Variants in TNFRSF10B observed in about 807,000 individuals in gnomAD.
The protein encoded by TNFRSF10B is TNF receptor superfamily member 10b.
A neutral mutation model predicts 41.4 loss-of-function variants in TNFRSF10B; 35 were observed. That is an observed-to-expected ratio of 0.85 (90% CI 0.65 to 1.12). TNFRSF10B has a LOEUF of 1.12. Ranked by LOEUF, TNFRSF10B falls within the 50% of genes most tolerant of loss-of-function variation. The pLI, the probability that TNFRSF10B is intolerant of heterozygous loss-of-function variation, is 0.00. For missense variants in TNFRSF10B, 584 were observed against 552.7 expected (o/e 1.06, Z -0.57); for synonymous variants, 230 against 215.5 (o/e 1.07, Z -0.59).
Position 23,028,329 on chromosome 8 carries a change from A to G in TNFRSF10B, c.748+2T>C. On this transcript the variant is annotated splice_donor_variant, in intron 5 of 8. Coordinates refer to ENST00000276431, the MANE Select transcript of TNFRSF10B (RefSeq NM_003842.5). LOFTEE classifies it high-confidence loss of function. The stretch of plus-strand genomic sequence containing the variant: ...GTGCCCCCGCCCTCAGCCAGCACCT[A>G]CCTGAGCAGATGCCTTTCAGGTAAG... The G allele has an allele frequency of 6.2e-7, 1 of 1,614,038 alleles. No individual in the cohort carries two copies. Among genetic ancestry groups the G allele is most frequent in the Non-Finnish European group, 8.5e-7 (1 of 1,179,982 alleles).
intron 1 of TNFRSF10B, among the ~76,000 whole-genome samples, chr8:23,060,159 T>A (rs1812791383): frequency 1.3e-5 from 2 of 148,968 alleles, no homozygotes; most frequent in Non-Finnish European, 2.9e-5. Flanking sequence ...TCCAAAATGT[T>A]TATTTTTTCT....
intron 5 of TNFRSF10B, 47 bp downstream of exon 5, chr8:23,028,284 G>T: frequency 6.2e-7 from 1 of 1,611,520 alleles, no homozygotes; most frequent in Non-Finnish European, 8.5e-7. Context: ...GGTGGGAGGG[G>T]GCAGGGCAGA....
rs1304820065 is a variant in TNFRSF10B at position 23,020,358 on chromosome 8, C to G, written c.*2313G>C. 2.2e-6 allele frequency: 1 copy of G among 453,938 alleles called. No homozygotes were observed. The highest frequency in any genetic ancestry group is 4.4e-6 in the Non-Finnish European group (1 of 226,782). 28.1% of individuals were successfully genotyped at this position (453,938 alleles called of 1,614,324 possible). ...TATAGCAAAGCCTAATGTAACTAAA[C>G]AACAAAACCCCCAATTATTTCATGT... On this transcript the variant is annotated 3_prime_UTR_variant, in exon 9 of 9. Coordinates refer to ENST00000276431, the MANE Select transcript of TNFRSF10B (RefSeq NM_003842.5).
intron 2 of TNFRSF10B, among the ~76,000 whole-genome samples, chr8:23,040,258 A>G (rs934984272): frequency 4.3e-5 from 6 of 139,542 alleles, no homozygotes; most frequent in East Asian, 2.0e-4. Flanking sequence ...TTAAATATAT[A>G]TTTATTAAAT....
In TNFRSF10B at chr8:23,030,882, G is replaced by A. The variant is rs375730504; in HGVS notation, c.251-10C>T. 123 of 1,595,064 alleles carry A rather than the reference G, an allele frequency of 7.7e-5. No individual in the cohort carries two copies. In the African/African-American group the frequency reaches 1.5e-3, roughly 19 times the overall value. Reference sequence around the variant, plus strand: ...TCTGAGATATGGTGTCCTGGGAGGGGAGAGAAAAGCCGGTGAATGAAATGC... The same window carrying A: ...TCTGAGATATGGTGTCCTGGGAGGGAAGAGAAAAGCCGGTGAATGAAATGC... On this transcript the variant is annotated splice_polypyrimidine_tract_variant and intron_variant, in intron 2 of 8. Coordinates refer to ENST00000276431, the MANE Select transcript of TNFRSF10B (RefSeq NM_003842.5).
intron 2 of TNFRSF10B, among the ~76,000 whole-genome samples, chr8:23,037,751 G>A (rs1812065279): frequency 6.6e-6 from 1 of 152,158 alleles, no homozygotes; most frequent in Admixed American, 6.5e-5. Context: ...GCAGTACCTT[G>A]AAGGGCTGCA....
rs776490819 is a variant in TNFRSF10B at position 23,024,224 on chromosome 8, GCCT to G, written c.970_972del (p.Arg324del). 2.0e-4 allele frequency: 321 copies of G among 1,613,992 alleles called. 1 individual carries two copies. The highest frequency in any genetic ancestry group is 2.5e-4 in the Non-Finnish European group (299 of 1,180,016). On this transcript the variant is annotated inframe_deletion, in exon 8 of 9. Coordinates refer to ENST00000276431, the MANE Select transcript of TNFRSF10B (RefSeq NM_003842.5). ...TCACCTTCATTTGCTGGAACCAGCA[GCCT>G]CCTCCTCTGAGACCTTTCAGCTTCT...
At chr8:23,023,906 CAGGGGCAGGCGG>C (rs1248223806) in intron 8 of TNFRSF10B, among the ~76,000 whole-genome samples, 1 of 151,974 alleles carries the variant, frequency 6.6e-6, no homozygotes, top group Non-Finnish European at 1.5e-5. Context: ...AGGAGGTCCT[CAGGGGCAGGCGG>C]GGGCTACATC....
intron 2 of TNFRSF10B, among the ~76,000 whole-genome samples, chr8:23,039,862 T>C (rs1313784930): frequency 6.6e-6 from 1 of 152,130 alleles, no homozygotes; most frequent in African/African-American, 2.4e-5. Context: ...TTTAGATACT[T>C]AAGAAGGTAA....
chr8:23,041,249 G>T (rs1030838824), intron 2 of TNFRSF10B, among the ~76,000 whole-genome samples: 7 of 152,040 alleles, frequency 4.6e-5, no homozygotes, highest in African/African-American at 1.2e-4. Flanking sequence ...TAGAAACAGG[G>T]TTTCGCCATG....
At chr8:23,049,441 C>A (rs992015901) in intron 1 of TNFRSF10B, among the ~76,000 whole-genome samples, 15 of 152,112 alleles carry the variant, frequency 9.9e-5, no homozygotes, top group African/African-American at 3.6e-4. Context: ...AGGAACTCCC[C>A]AAACCTCCAT....
At chr8:23,044,607 C>T (rs1812300280) in intron 1 of TNFRSF10B, among the ~76,000 whole-genome samples, 1 of 151,972 alleles carries the variant, frequency 6.6e-6, no homozygotes, top group Non-Finnish European at 1.5e-5. Flanking sequence ...GGAAACATAA[C>T]ATAACCAAAT....
chr8:23,059,761 C>G (rs1436431910), intron 1 of TNFRSF10B, among the ~76,000 whole-genome samples: 8 of 152,164 alleles, frequency 5.3e-5, no homozygotes, highest in Non-Finnish European at 1.2e-4. Flanking sequence ...ATCCGCCTGC[C>G]TTGGCCTCCC....
intron 2 of TNFRSF10B, among the ~76,000 whole-genome samples, chr8:23,038,878 G>C (rs1205910108): frequency 6.6e-6 from 1 of 152,050 alleles, no homozygotes; most frequent in Non-Finnish European, 1.5e-5. Flanking sequence ...TTTTTCCACG[G>C]ACTGGAGTTG....
chr8:23,063,096 C>T (rs560296204), intron 1 of TNFRSF10B, among the ~76,000 whole-genome samples: 9 of 152,304 alleles, frequency 5.9e-5, no homozygotes, highest in African/African-American at 1.9e-4. Context: ...TGCCTGTAAT[C>T]CCAGCACTTT....
Position 23,021,246 on chromosome 8 carries a change from G to A in TNFRSF10B, c.*1425C>T, listed in dbSNP as rs1016095069. On this transcript the variant is annotated 3_prime_UTR_variant, in exon 9 of 9. Coordinates refer to ENST00000276431, the MANE Select transcript of TNFRSF10B (RefSeq NM_003842.5). The stretch of plus-strand genomic sequence containing the variant: ...AACCTTAATGCGTCAGCCATTCTAG[G>A]TCCTGTTGCCACAGTGTTTAAGAAT... The A allele has an allele frequency of 8.8e-6, 4 of 453,980 alleles. No individual in the cohort carries two copies. The highest frequency in any genetic ancestry group is 6.0e-5 in the African/African-American group (3 of 49,982). The allele number at this position is 453,980 out of a possible 1,614,324, so 28.1% of individuals were successfully genotyped here. A position where few individuals can be genotyped will look rare whatever the true frequency, so the allele number is the denominator to read the frequency against.
In TNFRSF10B at chr8:23,028,685, C is replaced by T; in HGVS notation, c.477-83G>A. On this transcript the variant is annotated intron_variant, in intron 4 of 8. Transcript: ENST00000276431. Reference sequence around the variant, plus strand: ...ATGAAAGAGGAGCCACCCTCCCTCCCCAGTGTCCCTGAGAAGGTGTCAGGG... The same window carrying T: ...ATGAAAGAGGAGCCACCCTCCCTCCTCAGTGTCCCTGAGAAGGTGTCAGGG... 3 of 1,543,072 alleles carry T rather than the reference C, an allele frequency of 1.9e-6. No homozygotes were observed. In the South Asian group the frequency reaches 3.4e-5, roughly 17 times the overall value.
chr8:23,029,302 A>C (rs935187692), intron 4 of TNFRSF10B, among the ~76,000 whole-genome samples: 3 of 152,140 alleles, frequency 2.0e-5, no homozygotes, highest in Non-Finnish European at 4.4e-5. Context: ...GCTGCATTCT[A>C]CTCATTCTTC....
rs1811561785 is a variant in TNFRSF10B, at chr8:23,022,442, A to C, written c.*229T>G. On this transcript the variant is annotated 3_prime_UTR_variant, in exon 9 of 9. Coordinates refer to ENST00000276431, the MANE Select transcript of TNFRSF10B (RefSeq NM_003842.5). Reference sequence around the variant, plus strand: ...AAAGTACGCACAAACGGAATGATCCAGACATTTCCATAGTGTCCTTATTAT... The same window carrying C: ...AAAGTACGCACAAACGGAATGATCCCGACATTTCCATAGTGTCCTTATTAT... 1 of 662,402 alleles carries C rather than the reference A, an allele frequency of 1.5e-6. No individual in the cohort carries two copies. The highest frequency in any genetic ancestry group is 2.8e-6 in the Non-Finnish European group (1 of 362,108). 41.0% of individuals were successfully genotyped at this position (662,402 alleles called of 1,614,324 possible). A position where few individuals can be genotyped will look rare whatever the true frequency, so the allele number is the denominator to read the frequency against.
Sources: allele counts gnomAD v4.1 joint callset (sites outside exome capture counted in the v4.1 genomes callset), GRCh38; gene constraint gnomAD v4.1.1; transcripts MANE v1.5; gene names NCBI Gene and HGNC (gene_info 2026-07-23, HGNC 2026-07-21).